The following STARD13 variants were observed in gnomAD, a reference collection of about 807,000 sequenced individuals.
STARD13 encodes the protein StAR related lipid transfer domain containing 13.
STARD13 carries 62 observed loss-of-function variants against 106.4 expected under a neutral mutation model. The ratio of observed to expected loss-of-function variants is 0.58; its 90% CI spans 0.48 to 0.72. The LOEUF (loss-of-function observed/expected upper bound fraction) is 0.72. Among genes scored for constraint, STARD13 ranks in the 30% least tolerant of loss-of-function variants. The pLI, the probability that STARD13 is intolerant of heterozygous loss-of-function variation, is 0.00. For synonymous variants in STARD13, 565 were observed against 553.0 expected (o/e 1.02, Z -0.31); for missense variants, 1,387 against 1,424.0 (o/e 0.97, Z 0.42).
At chr13:33,332,971 G>A (rs1594274007) in intron 1 of STARD13, among the ~76,000 whole-genome samples, 1 of 151,696 alleles carries the variant, frequency 6.6e-6, no homozygotes, top group Middle Eastern at 3.4e-3. Context: ...ATATAATTTG[G>A]GAAATTACTC....
the STARD13 span, among the ~76,000 whole-genome samples, chr13:33,486,014 A>C: frequency 2.0e-5 from 3 of 152,134 alleles, no homozygotes; most frequent in Non-Finnish European, 4.4e-5. Flanking sequence ...TTCACTGTAG[A>C]CCCTTGACTG....
the STARD13 span, among the ~76,000 whole-genome samples, chr13:33,645,079 T>C: frequency 6.6e-6 from 1 of 152,202 alleles, no homozygotes; most frequent in Middle Eastern, 3.4e-3. Context: ...TCGCCGTTCC[T>C]CCCACTAAGA....
intron 1 of STARD13, among the ~76,000 whole-genome samples, chr13:33,291,302 A>G (rs928627482): frequency 1.3e-5 from 2 of 152,208 alleles, no homozygotes; most frequent in Non-Finnish European, 2.9e-5. Flanking sequence ...AGCCCTTGTA[A>G]GAATGTTTTT....
At chr13:33,264,168 A>G (rs1594186084) in intron 1 of STARD13, among the ~76,000 whole-genome samples, 1 of 152,230 alleles carries the variant, frequency 6.6e-6, no homozygotes, top group Non-Finnish European at 1.5e-5. Context: ...CCTGGAGCCC[A>G]GTCACTGAGC....
intron 1 of STARD13, among the ~76,000 whole-genome samples, chr13:33,255,596 C>G (rs961862789): frequency 6.6e-6 from 1 of 152,080 alleles, no homozygotes; most frequent in Non-Finnish European, 1.5e-5. Flanking sequence ...CTTCTTACTA[C>G]AAAGGCCATA....
the STARD13 span, among the ~76,000 whole-genome samples, chr13:33,524,624 A>C: frequency 3.3e-5 from 5 of 152,080 alleles, no homozygotes; most frequent in Non-Finnish European, 7.4e-5. Flanking sequence ...AAGTGATTGT[A>C]AACTCTCAAG....
chr13:33,466,395 TTCAATA>T, the STARD13 span, among the ~76,000 whole-genome samples: 4 of 152,280 alleles, frequency 2.6e-5, no homozygotes, highest in African/African-American at 9.6e-5. Context: ...CCTCTCCTAT[TTCAATA>T]AATATCAACA....
At chr13:33,183,837 C>G (rs903701235) in intron 1 of STARD13, among the ~76,000 whole-genome samples, 1 of 152,140 alleles carries the variant, frequency 6.6e-6, no homozygotes, top group African/African-American at 2.4e-5. Context: ...CCCAATTCCC[C>G]CAGGCTGCCC....
the STARD13 span, among the ~76,000 whole-genome samples, chr13:33,382,313 C>T: frequency 6.6e-5 from 10 of 152,130 alleles, no homozygotes; most frequent in Non-Finnish European, 1.2e-4. Context: ...CGGTGCTGTG[C>T]CCTGTCCCCT....
chr13:33,565,953 A>T, the STARD13 span, among the ~76,000 whole-genome samples: 3 of 148,662 alleles, frequency 2.0e-5, no homozygotes, highest in Non-Finnish European at 3.0e-5. Context: ...AACTTAATCC[A>T]GTAGCTTTCC....
chr13:33,608,943 G>A, the STARD13 span, among the ~76,000 whole-genome samples: 19 of 151,678 alleles, frequency 1.3e-4, no homozygotes, highest in South Asian at 1.7e-3. Flanking sequence ...AAAATTAGCC[G>A]GGCGTGGTGG....
At chr13:33,467,531 G>A in the STARD13 span, among the ~76,000 whole-genome samples, 2 of 152,152 alleles carry the variant, frequency 1.3e-5, no homozygotes, top group African/African-American at 2.4e-5. Context: ...CAGGGGTTGG[G>A]GACCTCTGGT....
intron 1 of STARD13, among the ~76,000 whole-genome samples, chr13:33,198,084 C>T: frequency 6.6e-6 from 1 of 152,140 alleles, no homozygotes; most frequent in Non-Finnish European, 1.5e-5. Context: ...AGGAGAATTG[C>T]TTGAACCCAG....
At chr13:33,657,967 G>A in the STARD13 span, among the ~76,000 whole-genome samples, 1 of 152,226 alleles carries the variant, frequency 6.6e-6, no homozygotes, top group African/African-American at 2.4e-5. Flanking sequence ...CAGTTTAGTG[G>A]CATTAAATAC....
At chr13:33,362,660 AT>A in the STARD13 span, among the ~76,000 whole-genome samples, 1 of 152,046 alleles carries the variant, frequency 6.6e-6, no homozygotes, top group Non-Finnish European at 1.5e-5. Flanking sequence ...AGGTTGTTGA[AT>A]TTGATTTTCT....
intron 1 of STARD13, among the ~76,000 whole-genome samples, chr13:33,338,302 A>T (rs2077919249): frequency 6.6e-6 from 1 of 152,170 alleles, no homozygotes; most frequent in Non-Finnish European, 1.5e-5. Context: ...TTACGGACTC[A>T]TTGATCTTTA....
chr13:33,352,675 G>A (rs1041877465), upstream of STARD13, among the ~76,000 whole-genome samples: 6 of 152,206 alleles, frequency 3.9e-5, no homozygotes, highest in African/African-American at 4.8e-5. Flanking sequence ...AACAGGTGCC[G>A]GCTGAGCAGT....
the STARD13 span, among the ~76,000 whole-genome samples, chr13:33,367,417 T>C: frequency 1.3e-5 from 2 of 152,120 alleles, no homozygotes; most frequent in African/African-American, 2.4e-5. Context: ...TTAAATTCAG[T>C]CTGTGATATC....
At chr13:33,277,614 C>G (rs1891515216) in intron 1 of STARD13, 1 of 152,130 alleles carries the variant, frequency 6.6e-6, no homozygotes, top group Non-Finnish European at 1.5e-5. Flanking sequence ...GACTCCACTT[C>G]CCAGCAGTAA....
Sources: gnomAD v4.1 joint callset for allele counts (sites outside exome capture counted in the v4.1 genomes callset) on GRCh38, gnomAD v4.1.1 for gene constraint, MANE v1.5 for transcripts, NCBI Gene and HGNC (gene_info 2026-07-23, HGNC 2026-07-21) for gene names.